Variants in LCK observed in about 807,000 individuals in gnomAD.
LCK encodes the protein LCK proto-oncogene, Src family tyrosine kinase.
LCK carries 14 observed loss-of-function variants against 64.6 expected under a neutral mutation model. The observed-to-expected ratio is 0.22, with a 90% CI of 0.14 to 0.34. LCK has a LOEUF of 0.34. Among genes scored for constraint, LCK ranks in the 10% least tolerant of loss-of-function variants. The pLI is 1.00. For synonymous variants in LCK, 277 were observed against 263.6 expected, an observed-to-expected ratio of 1.05 and a Z score of -0.49; for missense variants, 434 against 668.1, an observed-to-expected ratio of 0.65 and a Z score of 3.86.
intron 1 of LCK, among the ~76,000 whole-genome samples, chr1:32,262,114 C>G (rs1639791155): frequency 7.0e-6 from 1 of 143,734 alleles, no homozygotes; most frequent in Middle Eastern, 3.4e-3. Context: ...AAAATCCAGA[C>G]CTCAAGTGAT....
At chr1:32,278,001 C>T (rs1640334372) in intron 9 of LCK, among the ~76,000 whole-genome samples, 1 of 152,062 alleles carries the variant, frequency 6.6e-6, no homozygotes, top group Non-Finnish European at 1.5e-5. Flanking sequence ...CATAGCGAGA[C>T]TTCATTCCTA....
At chr1:32,265,792 G>A (rs1639892294) in intron 1 of LCK, among the ~76,000 whole-genome samples, 1 of 151,932 alleles carries the variant, frequency 6.6e-6, no homozygotes, top group African/African-American at 2.4e-5. Flanking sequence ...TCTCACTGTT[G>A]CACCATAGTT....
chr1:32,280,989 C>T (rs574787776), intron 12 of LCK, among the ~76,000 whole-genome samples: 12 of 152,270 alleles, frequency 7.9e-5, no homozygotes, highest in Non-Finnish European at 1.5e-4. Flanking sequence ...TGCCTATAAT[C>T]TCAGAACTTT....
rs1283178552 is a variant in LCK at position 32,276,311 on chromosome 1, C to T, written c.632-26C>T. On this transcript the variant is annotated intron_variant, in intron 7 of 12. Coordinates refer to ENST00000336890, the MANE Select transcript of LCK (RefSeq NM_005356.5). This position sits in a 1 kb window ranked among gnomAD's most constrained non-coding sequence, Gnocchi z 4.6. ...AATACGAGGCCTGCCCTATTGACAG[C>T]CTTCACCCCTCCCTCGTCCTCGCAG... is the stretch of plus-strand genomic sequence containing the variant. 3.3e-6 allele frequency: 5 copies of T among 1,537,006 alleles called. No homozygotes were observed. The highest frequency in any genetic ancestry group is 4.4e-6 in the Non-Finnish European group (5 of 1,144,912).
intron 1 of LCK, among the ~76,000 whole-genome samples, chr1:32,260,591 A>G (rs1238976109): frequency 1.3e-5 from 2 of 152,128 alleles, no homozygotes; most frequent in Non-Finnish European, 2.9e-5. Context: ...TAAAGGAAGT[A>G]TAGTCTTGTC....
At position 32,276,423 on chromosome 1, in the gene LCK, G is replaced by A; in HGVS notation, c.718G>A (p.Val240Ile). Residue 240 changes from valine (V) to isoleucine (I), a missense_variant, in exon 8 of 13, where the codon GTT (valine) becomes ATT (isoleucine). Physicochemically the swap from Val to Ile is conservative, Grantham distance 29. Coordinates refer to ENST00000336890, the MANE Select transcript of LCK (RefSeq NM_005356.5). The surrounding 1 kb of genome is among the most constrained non-coding windows in gnomAD (Gnocchi z 4.6). ...GCCGTGGTGGGAGGACGAGTGGGAG[G>A]TTCCCAGGGAGACGCTGAAGCTGGT... ...QKPWWEDEWE[V>I]PRETLKLVER... is the part of the protein sequence containing the mutation. The A allele has an allele frequency of 1.2e-6, 2 of 1,612,688 alleles. No individual in the cohort carries two copies. Among genetic ancestry groups the A allele is most frequent in the Non-Finnish European group, 1.7e-6 (2 of 1,179,916 alleles).
In LCK at chr1:32,285,497, C is replaced by CA. The variant is rs1557592541; in HGVS notation, c.1328-16dup. The CA allele has an allele frequency of 2.5e-6, 4 of 1,609,188 alleles. No individual in the cohort carries two copies. In the African/African-American group the frequency reaches 4.0e-5, roughly 16 times the overall value. Reference sequence around the variant, plus strand: ...CCAGTGCCTGACCTTGATGTCCTTTCACCCATCAACCCGTAGGGATGACCA... The same window carrying CA: ...CCAGTGCCTGACCTTGATGTCCTTTCAACCCATCAACCCGTAGGGATGACCA... On this transcript the variant is annotated splice_polypyrimidine_tract_variant and intron_variant, in intron 12 of 12. Transcript: ENST00000336890.
chr1:32,274,946 C>G, intron 3 of LCK, 47 bp from the exon 4 acceptor site: 1 of 1,614,186 alleles, frequency 6.2e-7, no homozygotes, highest in Non-Finnish European at 8.5e-7. Flanking sequence ...CTCCAGGCTT[C>G]CTGCCGATCC....
chr1:32,274,917 C>G, intron 3 of LCK, 76 bp from the exon 4 acceptor site: 1 of 1,614,070 alleles, frequency 6.2e-7, no homozygotes, highest in Non-Finnish European at 8.5e-7. Context: ...TCTTGCCTTC[C>G]TTGTCCCCCA....
rs1158827781 is a variant in LCK, at chr1:32,251,721, G to A, written c.-6+350G>A. On this transcript the variant is annotated intron_variant, in intron 1 of 12. Transcript: ENST00000336890. This position sits in a 1 kb window ranked among gnomAD's most constrained non-coding sequence, Gnocchi z 4.0. ...GGATGAGGCTCCTGAGGCCCAGAGA[G>A]AACAAGGCACTCACTGCCCACGGTT... Among the ~76,000 whole-genome samples the A allele has an allele frequency of 6.6e-6, 1 of 152,156 alleles. No individual in the cohort carries two copies.
Position 32,276,416 on chromosome 1 carries a change from G to A in LCK, c.711G>A (p.Glu237=). The A allele has an allele frequency of 1.9e-6, 3 of 1,612,638 alleles. No homozygotes were observed. The highest frequency in any genetic ancestry group is 2.5e-6 in the Non-Finnish European group (3 of 1,179,898). The change falls in exon 8 of 13, where the codon GAG becomes GAA. Residue 237 remains glutamate, a synonymous_variant. Transcript: ENST00000336890. This position sits in a 1 kb window ranked among gnomAD's most constrained non-coding sequence, Gnocchi z 4.6. ...CCCAGAAGCCGTGGTGGGAGGACGA[G>A]TGGGAGGTTCCCAGGGAGACGCTGA... ...QKPQKPWWED[E]WEVPRETLKL...
chr1:32,272,557 A>G, intron 1 of LCK, among the ~76,000 whole-genome samples: 1 of 104,538 alleles, frequency 9.6e-6, no homozygotes, highest in East Asian at 4.3e-4. Flanking sequence ...TGGGAGAGGA[A>G]GGGAGACCCT....
intron 12 of LCK, among the ~76,000 whole-genome samples, chr1:32,281,692 C>T (rs776221916): frequency 1.3e-5 from 2 of 152,006 alleles, no homozygotes; most frequent in South Asian, 2.1e-4. Context: ...GGGGGTCATG[C>T]GGCACAGTGG....
chr1:32,260,535 T>C (rs1287881955), intron 1 of LCK, among the ~76,000 whole-genome samples: 1 of 152,282 alleles, frequency 6.6e-6, no homozygotes, highest in South Asian at 2.1e-4. Context: ...TTTTTTACTT[T>C]TTGTGCTCTA....
intron 12 of LCK, among the ~76,000 whole-genome samples, chr1:32,285,241 C>T (rs1338567780): frequency 1.3e-5 from 2 of 148,680 alleles, no homozygotes; most frequent in African/African-American, 5.0e-5. Flanking sequence ...GTGGAGGTTG[C>T]GGTGAGCCGA....
At chr1:32,256,787 C>T (rs968970351) in intron 1 of LCK, among the ~76,000 whole-genome samples, 6 of 152,136 alleles carry the variant, frequency 3.9e-5, no homozygotes, top group African/African-American at 1.4e-4. Flanking sequence ...TAAAATATGA[C>T]CTGTACACCA....
At chr1:32,270,673 A>T (rs897558372) in intron 1 of LCK, among the ~76,000 whole-genome samples, 1 of 135,702 alleles carries the variant, frequency 7.4e-6, no homozygotes, top group Non-Finnish European at 1.6e-5. Flanking sequence ...GATTACAGGA[A>T]TGAGCCATCG....
At chr1:32,283,531 G>A (rs1640524486) in intron 12 of LCK, among the ~76,000 whole-genome samples, 2 of 152,130 alleles carry the variant, frequency 1.3e-5, no homozygotes, top group Admixed American at 1.3e-4. Flanking sequence ...TAGGGAAGGA[G>A]GGAGCTATGT....
Position 32,285,658 on chromosome 1 carries a change from G to A in LCK, c.1472G>A (p.Arg491His), listed in dbSNP as rs371877562. The A allele has an allele frequency of 1.1e-5, 17 of 1,613,790 alleles. No individual in the cohort carries two copies. Among genetic ancestry groups the A allele is most frequent in the Admixed American group, 3.3e-5 (2 of 59,936 alleles). Residue 491 changes from arginine (R) to histidine (H), a missense_variant, in exon 13 of 13, where the codon CGC (arginine) becomes CAC (histidine). Transcript: ENST00000336890. Reference sequence around the variant, plus strand: ...GACCGGCCCACCTTTGACTACCTGCGCAGTGTGCTGGAGGACTTCTTCACG... The same window carrying A: ...GACCGGCCCACCTTTGACTACCTGCACAGTGTGCTGGAGGACTTCTTCACG... ...PEDRPTFDYL[R>H]SVLEDFFTAT... is the part of the protein sequence containing the mutation.
Sources: gnomAD v4.1 joint callset for allele counts (sites outside exome capture counted in the v4.1 genomes callset) on GRCh38, gnomAD v4.1.1 for gene constraint, Gnocchi (gnomAD v3.1) non-coding constraint, MANE v1.5 for transcripts, NCBI Gene and HGNC (gene_info 2026-07-23, HGNC 2026-07-21) for gene names.